CFH: variants seen among roughly 807,000 people sequenced by gnomAD.
The protein encoded by CFH is H factor 1 (complement).
Under a neutral mutation model 147.3 loss-of-function variants are expected in CFH, and 53 were observed. The observed-to-expected ratio is 0.36, with a 90% CI of 0.29 to 0.45. The LOEUF (loss-of-function observed/expected upper bound fraction) is 0.45, where lower values mean the gene tolerates loss of function less well. CFH is among the 20% of genes least tolerant of loss of function. The pLI is 1.00. For synonymous variants in CFH, 536 were observed against 489.4 expected (o/e 1.10, Z -1.26); for missense variants, 1,380 against 1,498.0 (o/e 0.92, Z 1.30).
chr1:196,666,357 C>T (rs1667084680), intron 1 of CFH, among the ~76,000 whole-genome samples: 2 of 152,058 alleles, frequency 1.3e-5, no homozygotes, highest in African/African-American at 4.8e-5. Context: ...ATTTCTAATT[C>T]ATTCGAGTTA....
intron 1 of CFH, among the ~76,000 whole-genome samples, chr1:196,671,731 A>G (rs900127260): frequency 4.7e-5 from 7 of 148,646 alleles, no homozygotes; most frequent in Non-Finnish European, 8.9e-5. Context: ...GAAGAAGCCA[A>G]CACATATATA....
At chr1:196,660,611 C>A (rs919779138) in intron 1 of CFH, among the ~76,000 whole-genome samples, 2 of 151,978 alleles carry the variant, frequency 1.3e-5, no homozygotes, top group Non-Finnish European at 2.9e-5. Flanking sequence ...AGAACAGGGG[C>A]GGTCATATCT....
In CFH at chr1:196,679,802, A is replaced by G. The variant is rs772768288; in HGVS notation, c.790+9A>G. 2 of 1,606,662 alleles carry G rather than the reference A, an allele frequency of 1.2e-6. No individual in the cohort carries two copies. The highest frequency in any genetic ancestry group is 1.7e-6 in the Non-Finnish European group (2 of 1,175,216). ...GTTGCCTTCATGTGAAGGTAATGTT[A>G]CCTTTATTTTCTGGATCTTTATAAA... On this transcript the variant is annotated intron_variant, in intron 6 of 21. Coordinates refer to ENST00000367429, the MANE Select transcript of CFH (RefSeq NM_000186.4).
intron 9 of CFH, among the ~76,000 whole-genome samples, chr1:196,695,746 G>T (rs192053864): frequency 1.8e-4 from 27 of 151,966 alleles, no homozygotes. Context: ...GTATTTCTAC[G>T]TATTTTATTT....
At chr1:196,684,689 G>T (rs1450991819) in intron 6 of CFH, among the ~76,000 whole-genome samples, 1 of 151,924 alleles carries the variant, frequency 6.6e-6, no homozygotes, top group Non-Finnish European at 1.5e-5. Flanking sequence ...CAATTGTCCA[G>T]AAGAAAGAAA....
At chr1:196,698,758 C>A (rs879712692) in intron 9 of CFH, among the ~76,000 whole-genome samples, 2 of 152,106 alleles carry the variant, frequency 1.3e-5, no homozygotes, top group Non-Finnish European at 2.9e-5. Context: ...CAAAACCTGG[C>A]AGAGACACAA....
At chr1:196,707,033 T>A (rs1436319678) in intron 9 of CFH, among the ~76,000 whole-genome samples, 5 of 152,182 alleles carry the variant, frequency 3.3e-5, no homozygotes, top group Non-Finnish European at 7.3e-5. Flanking sequence ...CTCCATCCAG[T>A]GTGACCATAG....
Position 196,657,736 on chromosome 1 carries a change from A to G in CFH, c.58+5561A>G, listed in dbSNP as rs921298671. Among the ~76,000 whole-genome samples the G allele has an allele frequency of 2.9e-4, 44 of 152,274 alleles. 1 individual carries two copies. Among genetic ancestry groups the G allele is most frequent in the Admixed American group, 2.8e-3 (43 of 15,296 alleles). ...AATTGATTTTGTAACTTTGCTTTATAATATATTCTGATACCTACTAAGTTT... is the reference window on the plus strand; with the variant it reads ...AATTGATTTTGTAACTTTGCTTTATGATATATTCTGATACCTACTAAGTTT... On this transcript the variant is annotated intron_variant, in intron 1 of 21. Coordinates refer to ENST00000367429, the MANE Select transcript of CFH (RefSeq NM_000186.4).
intron 9 of CFH, among the ~76,000 whole-genome samples, chr1:196,700,509 C>G (rs1362224016): frequency 6.6e-6 from 1 of 151,884 alleles, no homozygotes; most frequent in African/African-American, 2.4e-5. Flanking sequence ...CAAAAGTTGC[C>G]CAGGCATGGT....
intron 9 of CFH, among the ~76,000 whole-genome samples, chr1:196,709,906 G>A (rs1668684131): frequency 6.6e-6 from 1 of 152,082 alleles, no homozygotes; most frequent in Non-Finnish European, 1.5e-5. Flanking sequence ...CTGCTCAGGA[G>A]ATCTGAGGTG....
At chr1:196,688,935 A>G (rs1420671615) in intron 7 of CFH, among the ~76,000 whole-genome samples, 5 of 152,154 alleles carry the variant, frequency 3.3e-5, no homozygotes, top group South Asian at 2.1e-4. Flanking sequence ...AAAACAAATA[A>G]AAACCTTAAA....
chr1:196,688,275 G>C (rs1465673380), intron 7 of CFH, among the ~76,000 whole-genome samples: 2 of 151,824 alleles, frequency 1.3e-5, no homozygotes, highest in African/African-American at 4.8e-5. Context: ...GCACTCAAAT[G>C]TATTTGTCAA....
At chr1:196,674,023 T>G in intron 3 of CFH, 61 bp downstream of exon 3, 1 of 1,116,098 alleles carries the variant, frequency 9.0e-7, no homozygotes, top group Non-Finnish European at 1.3e-6. Flanking sequence ...CTCTACTACT[T>G]TATATATTTT....
intron 11 of CFH, among the ~76,000 whole-genome samples, chr1:196,717,917 T>A (rs139715189): frequency 2.1e-4 from 32 of 152,208 alleles, no homozygotes; most frequent in African/African-American, 7.7e-4. Context: ...AAATGAGCAG[T>A]AACGTTGGAA....
chr1:196,726,058 A>G (rs1281388093), intron 12 of CFH, among the ~76,000 whole-genome samples: 1 of 152,190 alleles, frequency 6.6e-6, no homozygotes. Flanking sequence ...GGTGTGTCTA[A>G]ACAATATTTA....
At chr1:196,726,734 T>C in intron 13 of CFH, 27 bp from the exon 14 acceptor site, 1 of 1,612,132 alleles carries the variant, frequency 6.2e-7, no homozygotes, top group Non-Finnish European at 8.5e-7. Flanking sequence ...GTTTTCACAA[T>C]AAACTTTTTT....
intron 9 of CFH, among the ~76,000 whole-genome samples, chr1:196,703,964 G>C (rs1295299795): frequency 9.3e-6 from 1 of 107,904 alleles, no homozygotes; most frequent in Non-Finnish European, 1.7e-5. Flanking sequence ...CAGCCTGGGG[G>C]ACAGAGCAAG....
intron 1 of CFH, among the ~76,000 whole-genome samples, chr1:196,666,804 CAA>C (rs10616982): frequency 0.38 from 31,920 of 83,694 alleles, 4,392 homozygotes; most frequent in African/African-American, 0.59. Context: ...GACTCCGTCT[CAA>C]AAAAAAAAAA....
At chr1:196,737,819 T>C (rs1652626464) in intron 17 of CFH, among the ~76,000 whole-genome samples, 159 bp downstream of exon 17, 1 of 152,222 alleles carries the variant, frequency 6.6e-6, no homozygotes, top group African/African-American at 2.4e-5. Flanking sequence ...ATCTATTCTA[T>C]TTATGTTAAT....
Sources: gnomAD v4.1 joint callset for allele counts (sites outside exome capture counted in the v4.1 genomes callset) on GRCh38, gnomAD v4.1.1 for gene constraint, MANE v1.5 for transcripts, NCBI Gene and HGNC (gene_info 2026-07-23, HGNC 2026-07-21) for gene names.